The following CD226 variants were observed in gnomAD, a reference collection of about 807,000 sequenced individuals.
CD226 encodes the protein CD226 antigen.
In CD226, 24 loss-of-function variants were observed where a neutral mutation model predicts 34.9. That is an observed-to-expected ratio of 0.69 (90% CI 0.50 to 0.97). CD226 has a LOEUF of 0.97. Among genes scored for constraint, CD226 ranks in the 50% least tolerant of loss-of-function variants. The pLI, the probability that CD226 is intolerant of heterozygous loss-of-function variation, is 0.00. For synonymous variants in CD226, 148 were observed against 147.4 expected (o/e 1.00, Z -0.03); for missense variants, 397 against 412.7 (o/e 0.96, Z 0.33).
intron 2 of CD226, among the ~76,000 whole-genome samples, chr18:69,908,541 T>A (rs773598398): frequency 6.6e-6 from 1 of 152,192 alleles, no homozygotes; most frequent in Non-Finnish European, 1.5e-5. Context: ...ATTTGAGATA[T>A]GGTTATTAGA....
intron 4 of CD226, 54 bp downstream of exon 4, chr18:69,873,090 A>G: frequency 1.0e-6 from 1 of 965,088 alleles, no homozygotes; most frequent in Non-Finnish European, 1.7e-6. Context: ...CTGGGTTATT[A>G]ATAGAGAACC....
At chr18:69,883,539 G>T (rs8098294) in intron 3 of CD226, among the ~76,000 whole-genome samples, 12,391 of 152,216 alleles carry the variant, frequency 0.081, 865 homozygotes, top group African/African-American at 0.18. Flanking sequence ...TATATCTATT[G>T]TCCTCTGTTT....
chr18:69,922,501 A>G lies in CD226; in HGVS notation c.382+24233T>C, dbSNP rs369805250. Among the ~76,000 whole-genome samples the G allele has an allele frequency of 2.4e-4, 37 of 152,286 alleles. 1 individual carries two copies. Among genetic ancestry groups the G allele is most frequent in the African/African-American group, 7.0e-4 (29 of 41,572 alleles). ...TCACTATGTTACCCAGGCTGGTTTC[A>G]AACTCCTAGGCTCAAGCAATCCTCC... On this transcript the variant is annotated intron_variant, in intron 2 of 5. Coordinates refer to ENST00000582621, the MANE Select transcript of CD226 (RefSeq NM_001303618.2).
chr18:69,947,381 G>T lies in CD226; in HGVS notation c.26C>A (p.Ala9Asp). ...TTTACCTCTGTATACATGAAGAAGA[G>T]CCAAAAGTAAAGTAGGATAATCCAT... The part of the protein sequence containing the change: MDYPTLLL[A>D]LLHVYRALCE... The change falls in exon 1 of 6, where the codon GCT becomes GAT. Residue 9 changes from alanine (A) to aspartate (D), a missense_variant. Physicochemically the swap from Ala to Asp is moderately radical, Grantham distance 126. Transcript: ENST00000582621. 6.3e-7 allele frequency: 1 copy of T among 1,585,274 alleles called. No individual in the cohort carries two copies. Among genetic ancestry groups the T allele is most frequent in the African/African-American group, 1.4e-5 (1 of 73,378 alleles).
intron 2 of CD226, among the ~76,000 whole-genome samples, chr18:69,915,587 T>C (rs180895746): frequency 1.0e-3 from 152 of 152,338 alleles, no homozygotes; most frequent in South Asian, 2.7e-3. Context: ...CGGAAACTAA[T>C]TGAAATAGTT....
intron 2 of CD226, among the ~76,000 whole-genome samples, chr18:69,906,861 G>A (rs1357554668): frequency 6.6e-6 from 1 of 152,194 alleles, no homozygotes; most frequent in Non-Finnish European, 1.5e-5. Context: ...AGCAGATGCT[G>A]TCAGGCTCTA....
upstream of CD226, among the ~76,000 whole-genome samples, chr18:69,958,677 G>T (rs933748360): frequency 1.4e-4 from 22 of 151,946 alleles, no homozygotes; most frequent in African/African-American, 5.3e-4. Flanking sequence ...GACCTAGCTT[G>T]AAAGTATCTT....
Position 69,858,645 on chromosome 18 carries a change from G to A in CD226, c.*5669C>T, listed in dbSNP as rs1048237444. ...TCGTTTCCCACTGGAGTTGCCACAT[G>A]TTGTGTTTTGCAAGCCTACTCCATC... On this transcript the variant is annotated 3_prime_UTR_variant, in exon 6 of 6. Transcript: ENST00000582621. 7.1e-6 allele frequency: 1 copy of A among 140,930 alleles called. No individual in the cohort carries two copies. The highest frequency in any genetic ancestry group is 2.6e-5 in the African/African-American group (1 of 38,062). 8.7% of individuals were successfully genotyped at this position (140,930 alleles called of 1,614,324 possible).
At chr18:69,948,847 C>G (rs1395231866), upstream of CD226, among the ~76,000 whole-genome samples, 1 of 152,168 alleles carries the variant, frequency 6.6e-6, no homozygotes, top group Non-Finnish European at 1.5e-5. Flanking sequence ...CATCTCTGCT[C>G]TCAGGTTATG....
At chr18:69,938,873 G>A (rs2055687598) in intron 2 of CD226, among the ~76,000 whole-genome samples, 1 of 152,192 alleles carries the variant, frequency 6.6e-6, no homozygotes, top group African/African-American at 2.4e-5. Context: ...ATCACCTGAG[G>A]TCAGGAGTTT....
chr18:69,918,379 C>T (rs901332846), intron 2 of CD226, among the ~76,000 whole-genome samples: 5 of 151,992 alleles, frequency 3.3e-5, no homozygotes, highest in East Asian at 1.9e-4. Context: ...ATCATGAAAC[C>T]CCATCACTAC....
intron 2 of CD226, among the ~76,000 whole-genome samples, chr18:69,932,293 T>C (rs1269220313): frequency 6.6e-6 from 1 of 152,166 alleles, no homozygotes; most frequent in Non-Finnish European, 1.5e-5. Flanking sequence ...AAAGTCAAAA[T>C]ATCTTAGAAT....
In CD226 at chr18:69,925,589, G is replaced by A. The variant is rs114030822; in HGVS notation, c.382+21145C>T. ...CCCTTTCTCACTCATCCAATCAGTTGCTGGATCCCGTCAACTCTACCTTTT... is the reference window on the plus strand; with the variant it reads ...CCCTTTCTCACTCATCCAATCAGTTACTGGATCCCGTCAACTCTACCTTTT... On this transcript the variant is annotated intron_variant, in intron 2 of 5. Transcript: ENST00000582621. Among the ~76,000 whole-genome samples the A allele has an allele frequency of 3.6e-3, 546 of 151,960 alleles. 7 individuals carry two copies. The highest frequency in any genetic ancestry group is 0.012 in the African/African-American group (513 of 41,444).
intron 2 of CD226, among the ~76,000 whole-genome samples, chr18:69,909,975 C>A (rs2055303934): frequency 6.6e-6 from 1 of 152,070 alleles, no homozygotes; most frequent in African/African-American, 2.4e-5. Flanking sequence ...ACATAATGTA[C>A]AGAAAAAAAT....
At chr18:69,944,046 C>T (rs996468003) in intron 2 of CD226, among the ~76,000 whole-genome samples, 1 of 149,794 alleles carries the variant, frequency 6.7e-6, no homozygotes, top group Non-Finnish European at 1.5e-5. Context: ...ACAATATTTG[C>T]AATCCCAGTA....
intron 3 of CD226, among the ~76,000 whole-genome samples, chr18:69,880,430 T>C (rs912086627): frequency 6.6e-6 from 1 of 150,540 alleles, no homozygotes; most frequent in African/African-American, 2.4e-5. Context: ...GAAGAAAGAG[T>C]TGGCAAGGGT....
intron 2 of CD226, 167 bp from the exon 3 acceptor site, chr18:69,896,212 T>G: frequency 1.1e-6 from 1 of 933,992 alleles, no homozygotes; most frequent in Non-Finnish European, 1.3e-6. Context: ...GACGGAGTCT[T>G]GCTCTGTCAC....
At chr18:69,902,353 T>A in intron 2 of CD226, among the ~76,000 whole-genome samples, 1 of 152,202 alleles carries the variant, frequency 6.6e-6, no homozygotes, top group African/African-American at 2.4e-5. Flanking sequence ...CCCTTTCCCA[T>A]GTGTGCTTCG....
At chr18:69,918,743 A>C (rs1442954860) in intron 2 of CD226, among the ~76,000 whole-genome samples, 2 of 152,156 alleles carry the variant, frequency 1.3e-5, no homozygotes, top group African/African-American at 4.8e-5. Context: ...ATAGAGAGCA[A>C]TGTCTTGACT....
Sources: gnomAD v4.1 joint callset for allele counts (sites outside exome capture counted in the v4.1 genomes callset) on GRCh38, gnomAD v4.1.1 for gene constraint, MANE v1.5 for transcripts, NCBI Gene and HGNC (gene_info 2026-07-23, HGNC 2026-07-21) for gene names.